The following LRRC4C variants were observed in gnomAD, a reference collection of about 807,000 sequenced individuals.
LRRC4C encodes leucine-rich repeat-containing protein 4C.
LRRC4C carries 5 observed loss-of-function variants against 33.6 expected under a neutral mutation model. That is an observed-to-expected ratio of 0.15 (90% CI 0.08 to 0.31). LRRC4C has a LOEUF of 0.31. Ranked by LOEUF, LRRC4C falls within the 10% of genes least tolerant of loss-of-function variation. LRRC4C has a pLI of 1.00. For missense variants in LRRC4C, 560 were observed against 796.7 expected (o/e 0.70, Z 3.58); for synonymous variants, 329 against 302.0 (o/e 1.09, Z -0.93).
intron 2 of LRRC4C, among the ~76,000 whole-genome samples, chr11:40,792,412 A>G (rs1181539073): frequency 1.3e-5 from 2 of 152,222 alleles, no homozygotes; most frequent in Non-Finnish European, 2.9e-5. Context: ...AAAGTTAGAA[A>G]GGGAAATGTA....
chr11:41,099,669 C>A (rs1192712855), intron 1 of LRRC4C, among the ~76,000 whole-genome samples: 1 of 151,910 alleles, frequency 6.6e-6, no homozygotes, highest in Non-Finnish European at 1.5e-5. Flanking sequence ...CTCTATAAAC[C>A]AGATATTAAA....
At chr11:40,995,429 T>A (rs1853899886) in intron 1 of LRRC4C, among the ~76,000 whole-genome samples, 1 of 152,058 alleles carries the variant, frequency 6.6e-6, no homozygotes. Flanking sequence ...TCCAACAACA[T>A]GGCTAAATCA....
intron 3 of LRRC4C, among the ~76,000 whole-genome samples, chr11:40,328,075 T>C (rs1006966350): frequency 1.3e-5 from 2 of 152,022 alleles, no homozygotes; most frequent in African/African-American, 4.8e-5. Flanking sequence ...GTGAAATATT[T>C]TTATATATAT....
At chr11:40,927,712 T>C (rs1957457972) in intron 2 of LRRC4C, among the ~76,000 whole-genome samples, 1 of 151,786 alleles carries the variant, frequency 6.6e-6, no homozygotes, top group Non-Finnish European at 1.5e-5. Context: ...AATGGATTAA[T>C]AGCAAAGGGC....
At chr11:41,307,072 A>G (rs914932951) in intron 1 of LRRC4C, among the ~76,000 whole-genome samples, 3 of 152,222 alleles carry the variant, frequency 2.0e-5, no homozygotes, top group Non-Finnish European at 2.9e-5. Flanking sequence ...AAGCAGCTCA[A>G]GAGAAAAGGA....
intron 1 of LRRC4C, among the ~76,000 whole-genome samples, chr11:41,022,143 T>C (rs1009668279): frequency 5.2e-5 from 2 of 38,290 alleles, no homozygotes; most frequent in African/African-American, 1.2e-4. Context: ...AATTTTGTTT[T>C]ATATATATAT....
At chr11:41,330,103 A>G (rs981869115) in intron 1 of LRRC4C, among the ~76,000 whole-genome samples, 3 of 152,222 alleles carry the variant, frequency 2.0e-5, no homozygotes, top group African/African-American at 7.2e-5. Flanking sequence ...TCATGCAGGC[A>G]GTACTGATGG....
At chr11:41,304,159 C>T (rs1950387753) in intron 1 of LRRC4C, among the ~76,000 whole-genome samples, 6 of 99,106 alleles carry the variant, frequency 6.1e-5, no homozygotes, top group Admixed American at 3.4e-4. Context: ...GCCGCCCCGT[C>T]CGGGAGGGAG....
intron 2 of LRRC4C, among the ~76,000 whole-genome samples, chr11:40,921,158 A>G (rs1027028707): frequency 6.6e-6 from 1 of 152,110 alleles, no homozygotes; most frequent in African/African-American, 2.4e-5. Context: ...CCTTGGCTCA[A>G]GTGATCCTCC....
intron 1 of LRRC4C, among the ~76,000 whole-genome samples, chr11:41,185,692 C>T (rs968745459): frequency 6.6e-6 from 1 of 152,040 alleles, no homozygotes; most frequent in Non-Finnish European, 1.5e-5. Context: ...CTTGTATTTG[C>T]TATCCTTATA....
At chr11:40,294,964 C>T (rs1205313207) in intron 4 of LRRC4C, among the ~76,000 whole-genome samples, 2 of 152,160 alleles carry the variant, frequency 1.3e-5, no homozygotes, top group African/African-American at 2.4e-5. Context: ...ACTGTAAAGG[C>T]GAGATAGTAG....
intron 2 of LRRC4C, among the ~76,000 whole-genome samples, chr11:40,804,880 C>T (rs1951180472): frequency 6.6e-6 from 1 of 152,080 alleles, no homozygotes; most frequent in Non-Finnish European, 1.5e-5. Flanking sequence ...TTAAAGTAAT[C>T]CATAAAAAGG....
At chr11:40,599,120 C>T (rs1372448449) in intron 3 of LRRC4C, among the ~76,000 whole-genome samples, 1 of 152,006 alleles carries the variant, frequency 6.6e-6, no homozygotes, top group African/African-American at 2.4e-5. Context: ...TTTACTTAGA[C>T]AGCCCTTCAT....
At chr11:41,317,980 T>A (rs1950845047) in intron 1 of LRRC4C, among the ~76,000 whole-genome samples, 1 of 152,048 alleles carries the variant, frequency 6.6e-6, no homozygotes, top group South Asian at 2.1e-4. Context: ...GGTATATGCC[T>A]AATAATAAGG....
chr11:41,242,298 G>A (rs770919287), intron 1 of LRRC4C, among the ~76,000 whole-genome samples: 1 of 151,968 alleles, frequency 6.6e-6, no homozygotes, highest in Non-Finnish European at 1.5e-5. Context: ...CTTTTTAAAA[G>A]CATTTTTCAT....
chr11:41,206,408 A>G (rs1946603824), intron 1 of LRRC4C, among the ~76,000 whole-genome samples: 1 of 152,184 alleles, frequency 6.6e-6, no homozygotes, highest in Non-Finnish European at 1.5e-5. Flanking sequence ...AAAGTCTAAT[A>G]TTCCAACACA....
intron 1 of LRRC4C, among the ~76,000 whole-genome samples, chr11:41,429,434 G>A (rs1201616445): frequency 6.6e-6 from 1 of 152,140 alleles, no homozygotes; most frequent in Non-Finnish European, 1.5e-5. Context: ...TCTTGTCAGA[G>A]TTTAAAAGAA....
chr11:40,593,667 T>C lies in LRRC4C; in HGVS notation c.-270+54475A>G, dbSNP rs375761784. ...TGTTCTAGAACTCAGTTTTTCCATC[T>C]GGCAAAGTAAGGGGGTTGGATATAA... is the stretch of plus-strand genomic sequence containing the variant. On this transcript the variant is annotated intron_variant, in intron 3 of 6. Transcript: ENST00000528697. Among the ~76,000 whole-genome samples the C allele has an allele frequency of 2.2e-4, 34 of 152,324 alleles. No homozygotes were observed. The East Asian group carries it at 4.1e-3, about 18-fold the overall frequency.
chr11:40,723,066 T>G (rs1330921032), intron 2 of LRRC4C, among the ~76,000 whole-genome samples: 2 of 152,088 alleles, frequency 1.3e-5, no homozygotes, highest in East Asian at 1.9e-4. Context: ...AAAAATAAAT[T>G]TTTAAAAATG....
Sources: allele counts gnomAD v4.1 joint callset (sites outside exome capture counted in the v4.1 genomes callset), GRCh38; gene constraint gnomAD v4.1.1; transcripts MANE v1.5; gene names NCBI Gene and HGNC (gene_info 2026-07-23, HGNC 2026-07-21).